CALN1: variants seen among roughly 807,000 people sequenced by gnomAD.
CALN1 encodes calneuron 1, also known as calcium-binding protein 8.
Under a neutral mutation model 30.6 loss-of-function variants are expected in CALN1, and 17 were observed. The observed-to-expected ratio is 0.56, with a 90% confidence interval of 0.38 to 0.83. The LOEUF is 0.83. CALN1 is among the 40% of genes least tolerant of loss of function. The pLI, the probability that CALN1 is intolerant of heterozygous loss-of-function variation, is 0.00. For synonymous variants in CALN1, 156 were observed against 131.4 expected (o/e 1.19, Z -1.28); for missense variants, 291 against 354.9 (o/e 0.82, Z 1.45).
the CALN1 span, among the ~76,000 whole-genome samples, chr7:72,470,308 C>T: frequency 6.6e-6 from 1 of 152,158 alleles, no homozygotes; most frequent in Non-Finnish European, 1.5e-5. Context: ...ACTCAGGATG[C>T]TGAGGCAGGA....
Position 72,403,264 on chromosome 7 carries a change from C to T in CALN1, c.106G>A (p.Asp36Asn), listed in dbSNP as rs1205348812. 6.5e-6 allele frequency: 10 copies of T among 1,549,538 alleles called. 1 individual carries two copies. The highest frequency in any genetic ancestry group is 3.4e-4 in the Middle Eastern group (2 of 5,968). ...AAGAAGACTTGCCAGGTGGGGAAGT[C>T]GGGGGCCTGGCTCCTCGGCGGCTCC... ...GEEPPRSQAP[D>N]FPTWEKMPFH... is the part of the protein sequence containing the mutation. Residue 36 changes from aspartate (D) to asparagine (N), a missense_variant, in exon 2 of 7, where the codon GAC becomes AAC. By Grantham distance (23) the Asp-to-Asn change is conservative (BLOSUM62 1). Transcript: ENST00000395275.
chr7:72,186,885 CTTTTTTT>C (rs34604151), intron 3 of CALN1, among the ~76,000 whole-genome samples: 28 of 61,330 alleles, frequency 4.6e-4, no homozygotes, highest in East Asian at 4.0e-3. Flanking sequence ...GAGTGCAGAG[CTTTTTTT>C]TTTTTTTTTT....
intron 3 of CALN1, among the ~76,000 whole-genome samples, chr7:72,158,877 A>C (rs1005986371): frequency 8.6e-5 from 13 of 151,958 alleles, no homozygotes; most frequent in Non-Finnish European, 1.2e-4. Flanking sequence ...TTTGTTTTTG[A>C]GATGGAGTCT....
intron 3 of CALN1, among the ~76,000 whole-genome samples, chr7:72,163,392 T>TAAAA (rs55881217): frequency 3.8e-5 from 3 of 79,302 alleles, no homozygotes; most frequent in Non-Finnish European, 6.6e-5. Flanking sequence ...TATTGGAGAT[T>TAAAA]AAAAAAAAAA....
rs1284181784 is a variant in CALN1, at chr7:72,058,201, G to GT, written c.389-34433dup. Among the ~76,000 whole-genome samples, 4 of 151,770 alleles carry GT rather than the reference G, an allele frequency of 2.6e-5. No homozygotes were observed. The East Asian group carries it at 7.7e-4, about 29-fold the overall frequency. On this transcript the variant is annotated intron_variant, in intron 4 of 6. Transcript: ENST00000395275. ...TATCCAGATGAGACCCTGGATGATC[G>GT]TAAGTGCAATTGTTTCACCTCCAGA...
At chr7:72,365,897 C>G (rs765111927) in intron 2 of CALN1, among the ~76,000 whole-genome samples, 15 of 152,112 alleles carry the variant, frequency 9.9e-5, no homozygotes, top group Non-Finnish European at 1.9e-4. Context: ...CTAAATTATA[C>G]TTCATCATTT....
At chr7:72,415,270 T>C (rs1229563299), upstream of CALN1, among the ~76,000 whole-genome samples, 1 of 152,256 alleles carries the variant, frequency 6.6e-6, no homozygotes, top group Admixed American at 6.5e-5. Context: ...GTCTAATTCA[T>C]ACCATTGTGT....
intron 5 of CALN1, among the ~76,000 whole-genome samples, chr7:71,985,563 T>G (rs1798620266): frequency 6.7e-6 from 1 of 149,246 alleles, no homozygotes; most frequent in South Asian, 2.1e-4. Context: ...CTAAAGAAAC[T>G]CATGCTGTAC....
intron 4 of CALN1, among the ~76,000 whole-genome samples, chr7:72,066,295 C>G (rs1286521435): frequency 1.3e-5 from 2 of 152,136 alleles, no homozygotes; most frequent in African/African-American, 4.8e-5. Context: ...GGGACAGAGC[C>G]CTGGGGCACG....
chr7:72,187,235 T>C (rs1332458396), intron 3 of CALN1, among the ~76,000 whole-genome samples: 1 of 152,206 alleles, frequency 6.6e-6, no homozygotes, highest in Non-Finnish European at 1.5e-5. Flanking sequence ...TCTGACACAT[T>C]TTTCCAGGTT....
At chr7:72,051,788 C>G (rs927670246) in intron 4 of CALN1, among the ~76,000 whole-genome samples, 2 of 152,066 alleles carry the variant, frequency 1.3e-5, no homozygotes, top group Non-Finnish European at 2.9e-5. Flanking sequence ...AATCAATAGA[C>G]ACAATAAAAA....
intron 3 of CALN1, among the ~76,000 whole-genome samples, chr7:72,163,310 T>C (rs1003962461): frequency 6.7e-6 from 1 of 149,698 alleles, no homozygotes; most frequent in Non-Finnish European, 1.5e-5. Context: ...AAAAACAACA[T>C]TATTCAAGAA....
chr7:71,899,479 A>G (rs1313511824), intron 5 of CALN1, among the ~76,000 whole-genome samples: 1 of 152,200 alleles, frequency 6.6e-6, no homozygotes, highest in African/African-American at 2.4e-5. Flanking sequence ...AATGCTAACA[A>G]GAAATTTATG....
intron 3 of CALN1, among the ~76,000 whole-genome samples, chr7:72,141,759 G>C (rs984877433): frequency 4.6e-5 from 7 of 152,064 alleles, no homozygotes; most frequent in Non-Finnish European, 1.0e-4. Flanking sequence ...AGTAGAGACA[G>C]GGTTTCACCA....
chr7:72,180,276 T>G (rs1789670205), intron 3 of CALN1, among the ~76,000 whole-genome samples: 1 of 152,190 alleles, frequency 6.6e-6, no homozygotes, highest in Admixed American at 6.5e-5. Flanking sequence ...AGCTTCAGGT[T>G]GTACTACATT....
At chr7:72,348,929 C>T (rs1802782691) in intron 2 of CALN1, among the ~76,000 whole-genome samples, 1 of 152,062 alleles carries the variant, frequency 6.6e-6, no homozygotes, top group Admixed American at 6.6e-5. Flanking sequence ...ATAACAATGG[C>T]AATGGAATCT....
chr7:72,079,624 C>T (rs896623514), intron 4 of CALN1, among the ~76,000 whole-genome samples: 2 of 152,084 alleles, frequency 1.3e-5, no homozygotes, highest in Admixed American at 6.6e-5. Flanking sequence ...GTCATTCCTA[C>T]ATTTCTGGGT....
At chr7:72,190,122 G>A (rs747867087) in intron 3 of CALN1, among the ~76,000 whole-genome samples, 2 of 152,180 alleles carry the variant, frequency 1.3e-5, no homozygotes, top group Non-Finnish European at 2.9e-5. Flanking sequence ...TTGGGAGGCC[G>A]AGGTGGGCAG....
At chr7:72,418,230 T>C (rs979907106) in intron 1 of CALN1, among the ~76,000 whole-genome samples, 6 of 152,160 alleles carry the variant, frequency 3.9e-5, no homozygotes, top group Non-Finnish European at 7.3e-5. Context: ...TGGTTTTCTG[T>C]TCCTGCATTA....
Sources: allele counts gnomAD v4.1 joint callset (sites outside exome capture counted in the v4.1 genomes callset), GRCh38; gene constraint gnomAD v4.1.1; transcripts MANE v1.5; gene names NCBI Gene and HGNC (gene_info 2026-07-23, HGNC 2026-07-21).